The following RDH10 variants were observed in gnomAD, a reference collection of about 807,000 sequenced individuals.
RDH10 encodes retinol dehydrogenase 10.
In RDH10, 12 loss-of-function variants were observed where a neutral mutation model predicts 30.2. The ratio of observed to expected loss-of-function variants is 0.40; its 90% CI spans 0.25 to 0.64. The LOEUF (loss-of-function observed/expected upper bound fraction) is 0.64. Among genes scored for constraint, RDH10 ranks in the 30% least tolerant of loss-of-function variants. The pLI is 0.43. For synonymous variants in RDH10, 189 were observed against 172.2 expected (o/e 1.10, Z -0.76); for missense variants, 268 against 445.2 (o/e 0.60, Z 3.58).
At chr8:73,312,783 G>A (rs1314944192) in intron 2 of RDH10, 1 of 152,204 alleles carries the variant, frequency 6.6e-6, no homozygotes, top group East Asian at 1.9e-4. Context: ...TGTGCTGGTG[G>A]TGTTGACCTT....
chr8:73,297,237 G>A lies in RDH10; in HGVS notation c.333G>A (p.Gln111=). The change falls in exon 2 of 6, where the codon CAG becomes CAA. Residue 111 remains glutamine, a synonymous_variant. Transcript: ENST00000240285. The part of the protein sequence containing the change: ...EEEILPHCNL[Q]VFTYTCDVGK... ...AAATTCTGCCCCACTGTAACTTGCA[G>A]GTTTTTACCTACACCTGTGACGTGG... The A allele has an allele frequency of 6.2e-7, 1 of 1,614,112 alleles. No homozygotes were observed. Among genetic ancestry groups the A allele is most frequent in the Non-Finnish European group, 8.5e-7 (1 of 1,179,930 alleles).
chr8:73,295,998 T>C (rs1814258534), intron 1 of RDH10: 1 of 218,388 alleles, frequency 4.6e-6, no homozygotes, highest in South Asian at 1.4e-4. Context: ...TACTGTGGTC[T>C]GAACCCCTTA....
chr8:73,320,299 T>C (rs1280754922), intron 3 of RDH10, among the ~76,000 whole-genome samples: 1 of 152,246 alleles, frequency 6.6e-6, no homozygotes, highest in Non-Finnish European at 1.5e-5. Context: ...CTTCAGCTTG[T>C]GAGCTTTCAT....
intron 1 of RDH10, among the ~76,000 whole-genome samples, chr8:73,296,717 G>C (rs1009022569): frequency 6.6e-6 from 1 of 152,162 alleles, no homozygotes; most frequent in Non-Finnish European, 1.5e-5. Context: ...CTTTGGATGA[G>C]TTCAGATTAT....
At chr8:73,318,220 A>AT (rs201804539) in intron 2 of RDH10, among the ~76,000 whole-genome samples, 2,612 of 147,600 alleles carry the variant, frequency 0.018, 37 homozygotes, top group African/African-American at 0.04. Flanking sequence ...ATTTGAAGTA[A>AT]TTTTTTTTTT....
intron 2 of RDH10, among the ~76,000 whole-genome samples, chr8:73,298,777 C>T (rs1424379247): frequency 1.3e-5 from 2 of 152,144 alleles, no homozygotes; most frequent in Non-Finnish European, 2.9e-5. Flanking sequence ...GTCCACCCAC[C>T]TCAGCCCCCA....
At chr8:73,307,042 A>C (rs560218336) in intron 2 of RDH10, among the ~76,000 whole-genome samples, 2 of 152,352 alleles carry the variant, frequency 1.3e-5, no homozygotes, top group East Asian at 3.9e-4. Context: ...TCTCTTGGGA[A>C]AGAGAAGCAT....
At chr8:73,311,584 G>T (rs1814563709) in intron 2 of RDH10, 1 of 152,330 alleles carries the variant, frequency 6.6e-6, no homozygotes, top group South Asian at 2.1e-4. Flanking sequence ...AGTACTAACT[G>T]CTGATTCTGT....
intron 2 of RDH10, among the ~76,000 whole-genome samples, chr8:73,301,377 A>G (rs1814372013): frequency 6.6e-6 from 1 of 151,902 alleles, no homozygotes; most frequent in African/African-American, 2.4e-5. Flanking sequence ...TCACTCAATA[A>G]ATATTTGATA....
intron 2 of RDH10, among the ~76,000 whole-genome samples, chr8:73,301,487 G>T (rs1814374136): frequency 6.6e-6 from 1 of 152,006 alleles, no homozygotes; most frequent in Non-Finnish European, 1.5e-5. Context: ...GCTGGGCACG[G>T]TGGCTCACAC....
At chr8:73,296,969 C>G in intron 1 of RDH10, 1 of 504,812 alleles carries the variant, frequency 2.0e-6, no homozygotes, top group East Asian at 3.6e-5. Context: ...ATGACTTTCC[C>G]CTAAGCAAAG....
chr8:73,309,159 G>A (rs533697616), intron 2 of RDH10, among the ~76,000 whole-genome samples: 2 of 152,096 alleles, frequency 1.3e-5, no homozygotes, highest in Non-Finnish European at 2.9e-5. Context: ...GCACTCTGGG[G>A]CCCACTCTGA....
intron 3 of RDH10, among the ~76,000 whole-genome samples, chr8:73,320,156 A>G (rs1814740460): frequency 1.3e-5 from 2 of 152,248 alleles, no homozygotes; most frequent in Admixed American, 6.5e-5. Context: ...ATAACAATTT[A>G]TAGCCTAAGC....
chr8:73,297,147 TC>T (rs1814282176), intron 1 of RDH10, 46 bp from the exon 2 acceptor site: 1 of 1,125,182 alleles, frequency 8.9e-7, no homozygotes, highest in South Asian at 1.3e-5. Flanking sequence ...TTTCTGCACT[TC>T]CTTCTCTTTT....
chr8:73,305,613 T>C (rs938912077), intron 2 of RDH10, among the ~76,000 whole-genome samples: 1 of 151,980 alleles, frequency 6.6e-6, no homozygotes, highest in Admixed American at 6.6e-5. Context: ...GTAGAAGACA[T>C]GATTATGGTG....
chr8:73,323,118 T>A lies in RDH10; in HGVS notation c.*82T>A, dbSNP rs576371044. The A allele has an allele frequency of 6.3e-6, 7 of 1,109,280 alleles. No individual in the cohort carries two copies. Among genetic ancestry groups the A allele is most frequent in the Non-Finnish European group, 9.4e-6 (7 of 740,980 alleles). 68.7% of individuals were successfully genotyped at this position (1,109,280 alleles called of 1,614,324 possible). ...CAGTGCACATCAGCATTGCTGACAT[T>A]TTATGGATTCTAAACTTGTGTTGTT... On this transcript the variant is annotated 3_prime_UTR_variant, in exon 6 of 6. Transcript: ENST00000240285.
chr8:73,319,465 C>T (rs6999251), intron 3 of RDH10, among the ~76,000 whole-genome samples: 6,269 of 152,230 alleles, frequency 0.041, 425 homozygotes, highest in African/African-American at 0.14. Context: ...TTCAAGACTG[C>T]AGTGAGCTAT....
At chr8:73,316,081 A>G (rs1222244145) in intron 2 of RDH10, among the ~76,000 whole-genome samples, 7 of 152,208 alleles carry the variant, frequency 4.6e-5, no homozygotes, top group African/African-American at 1.7e-4. Flanking sequence ...CCATAACACA[A>G]TCACGGCTCA....
intron 2 of RDH10, among the ~76,000 whole-genome samples, chr8:73,299,781 TAAAAC>T (rs775682565): frequency 5.3e-5 from 8 of 152,222 alleles, no homozygotes; most frequent in African/African-American, 1.2e-4. Flanking sequence ...GTTAAATACT[TAAAAC>T]AAGAAACCAG....
Sources: allele counts gnomAD v4.1 joint callset (sites outside exome capture counted in the v4.1 genomes callset), GRCh38; gene constraint gnomAD v4.1.1; transcripts MANE v1.5; gene names NCBI Gene and HGNC (gene_info 2026-07-23, HGNC 2026-07-21).